IL18R1: variants seen among roughly 807,000 people sequenced by gnomAD.
IL18R1 encodes the protein interleukin-18 receptor 1.
IL18R1 carries 40 observed loss-of-function variants against 48.5 expected under a neutral mutation model. The observed-to-expected ratio is 0.82, with a 90% CI of 0.64 to 1.07. The LOEUF is 1.07. Ranked by LOEUF, IL18R1 falls within the 50% of genes least tolerant of loss-of-function variation. IL18R1 has a pLI of 0.00. For synonymous variants in IL18R1, 232 were observed against 225.9 expected, an observed-to-expected ratio of 1.03 and a Z score of -0.24; for missense variants, 596 against 633.7, an observed-to-expected ratio of 0.94 and a Z score of 0.64.
chr2:102,394,415 C>T lies in IL18R1; in HGVS notation c.1112-54C>T. ...CTTACGACATTCACTTAAGTTTGTA[C>T]TTAAATAAAATTTTATTTACACATG... On this transcript the variant is annotated intron_variant, in intron 9 of 10. Coordinates refer to ENST00000233957, the MANE Select transcript of IL18R1 (RefSeq NM_003855.5). 2.1e-6 allele frequency: 3 copies of T among 1,414,326 alleles called. 1 individual carries two copies. Among genetic ancestry groups the T allele is most frequent in the South Asian group, 2.6e-5 (2 of 78,244 alleles). The allele number at this position is 1,414,326 out of a possible 1,614,324, so 87.6% of individuals were successfully genotyped here.
chr2:102,374,120 G>C (rs992811930), intron 4 of IL18R1: 1 of 215,020 alleles, frequency 4.7e-6, no homozygotes, highest in African/African-American at 2.3e-5. Flanking sequence ...TGCCCACCCT[G>C]GTCCATGGAA....
chr2:102,372,400 A>T (rs1679320538), intron 4 of IL18R1, among the ~76,000 whole-genome samples: 1 of 152,190 alleles, frequency 6.6e-6, no homozygotes, highest in Non-Finnish European at 1.5e-5. Flanking sequence ...TCTTTCGATA[A>T]GTTAGTTTTT....
Position 102,396,731 on chromosome 2 carries a change from C to G in IL18R1, c.1471C>G (p.Leu491Val), listed in dbSNP as rs768192258. ...CACATTCTTGCCCCAATCACTAAAG[C>G]TTTTGAAATCTCACAGAGTTCTGAA... is the stretch of plus-strand genomic sequence containing the variant. ...DFTFLPQSLK[L>V]LKSHRVLKWK... The change falls in exon 11 of 11, where the codon CTT becomes GTT. Residue 491 changes from leucine (L) to valine (V), a missense_variant. Coordinates refer to ENST00000233957, the MANE Select transcript of IL18R1 (RefSeq NM_003855.5). 6.2e-6 allele frequency: 10 copies of G among 1,614,098 alleles called. No homozygotes were observed. The highest frequency in any genetic ancestry group is 8.5e-6 in the Non-Finnish European group (10 of 1,179,942).
intron 6 of IL18R1, 109 bp from the exon 7 acceptor site, chr2:102,384,769 T>G: frequency 2.5e-6 from 3 of 1,181,644 alleles, no homozygotes; most frequent in Non-Finnish European, 3.6e-6. Flanking sequence ...CTTTCTGGGA[T>G]GGAGCACCAC....
chr2:102,384,305 G>T (rs1364183396), intron 6 of IL18R1, among the ~76,000 whole-genome samples: 1 of 152,158 alleles, frequency 6.6e-6, no homozygotes, highest in Non-Finnish European at 1.5e-5. Flanking sequence ...CTGTCCGAGC[G>T]CTTAGCAGTA....
rs1399636428 is a variant in IL18R1, at chr2:102,397,612, T to A, written c.*726T>A. On this transcript the variant is annotated 3_prime_UTR_variant, in exon 11 of 11. Coordinates refer to ENST00000233957, the MANE Select transcript of IL18R1 (RefSeq NM_003855.5). ...CTAATTGAGTTAATTATCTGGGCCT[T>A]TCACTTTGGATGCTCTGAAACATTT... is the stretch of plus-strand genomic sequence containing the variant. The A allele has an allele frequency of 6.6e-6, 1 of 152,396 alleles. No individual in the cohort carries two copies. The allele number at this position is 152,396 out of a possible 1,614,324, so 9.4% of individuals were successfully genotyped here.
At chr2:102,390,591 C>T (rs17027056) in intron 9 of IL18R1, among the ~76,000 whole-genome samples, 7,230 of 152,190 alleles carry the variant, frequency 0.048, 275 homozygotes, top group East Asian at 0.17. Flanking sequence ...ATTGTCCTAT[C>T]GCTCATTATT....
chr2:102,362,552 C>A, intron 1 of IL18R1, 81 bp from the exon 2 acceptor site: 1 of 821,690 alleles, frequency 1.2e-6, no homozygotes, highest in Non-Finnish European at 1.8e-6. Flanking sequence ...ATCTGTGTGC[C>A]AGAAGATTTT....
At chr2:102,363,385 G>T (rs1240366026) in intron 2 of IL18R1, among the ~76,000 whole-genome samples, 1 of 152,160 alleles carries the variant, frequency 6.6e-6, no homozygotes, top group East Asian at 1.9e-4. Context: ...CTGCTGAAGA[G>T]ATAGCTGAAT....
rs754198537 is a variant in IL18R1, at chr2:102,375,966, G to T, written c.528G>T (p.Glu176Asp). ...ACCCAACGATAAAGAAGAACGCCGA[G>T]TTTGAAGATCAGGGGTATTACTCCT... ...NKNPTIKKNA[E>D]FEDQGYYSCV... The change falls in exon 5 of 11, where the codon GAG becomes GAT. Residue 176 changes from glutamate (E) to aspartate (D), a missense_variant. Coordinates refer to ENST00000233957, the MANE Select transcript of IL18R1 (RefSeq NM_003855.5). The T allele has an allele frequency of 6.2e-7, 1 of 1,607,828 alleles. No homozygotes were observed. The highest frequency in any genetic ancestry group is 1.1e-5 in the South Asian group (1 of 89,144).
chr2:102,376,844 T>C (rs1342023646), intron 5 of IL18R1, among the ~76,000 whole-genome samples: 1 of 152,236 alleles, frequency 6.6e-6, no homozygotes, highest in Non-Finnish European at 1.5e-5. Flanking sequence ...ATCAAGGAAA[T>C]GACCAAATCA....
At chr2:102,389,784 C>T (rs56174932) in intron 8 of IL18R1, among the ~76,000 whole-genome samples, 2 of 152,290 alleles carry the variant, frequency 1.3e-5, no homozygotes, top group East Asian at 1.9e-4. Context: ...CTGATTTCCA[C>T]GGGTACGGAT....
At chr2:102,372,905 G>A (rs1679352958) in intron 4 of IL18R1, among the ~76,000 whole-genome samples, 1 of 152,094 alleles carries the variant, frequency 6.6e-6, no homozygotes, top group Non-Finnish European at 1.5e-5. Context: ...ATCCCTAAAT[G>A]TAGAATTACT....
At chr2:102,385,317 G>C (rs558640715) in intron 7 of IL18R1, among the ~76,000 whole-genome samples, 176 of 152,254 alleles carry the variant, frequency 1.2e-3, no homozygotes, top group African/African-American at 4.2e-3. Context: ...TCTTAGAAAA[G>C]GGCAGTTGCC....
Position 102,367,988 on chromosome 2 carries a change from G to A in IL18R1, c.222G>A (p.Ser74=), listed in dbSNP as rs761549416. 33 of 1,614,038 alleles carry A rather than the reference G, an allele frequency of 2.0e-5. No homozygotes were observed. The highest frequency in any genetic ancestry group is 2.4e-5 in the Non-Finnish European group (28 of 1,180,036). Reference sequence around the variant, plus strand: ...TGGAGCTGAACCCAAGGAGTTCCTCGAGAATTGCTTTGCATGATTGTGTTT... The same window carrying A: ...TGGAGCTGAACCCAAGGAGTTCCTCAAGAATTGCTTTGCATGATTGTGTTT... ...EHVELNPRSS[S]RIALHDCVLE... Residue 74 remains serine (S), a synonymous_variant, in exon 3 of 11, where the codon TCG becomes TCA. Coordinates refer to ENST00000233957, the MANE Select transcript of IL18R1 (RefSeq NM_003855.5).
intron 3 of IL18R1, among the ~76,000 whole-genome samples, chr2:102,369,303 C>T (rs1157753032): frequency 6.6e-6 from 1 of 152,234 alleles, no homozygotes; most frequent in Non-Finnish European, 1.5e-5. Context: ...CATCTATGAT[C>T]ATCACTTGGA....
chr2:102,385,157 C>T (rs1680158096), intron 7 of IL18R1, among the ~76,000 whole-genome samples, 159 bp downstream of exon 7: 2 of 151,692 alleles, frequency 1.3e-5, no homozygotes, highest in African/African-American at 2.4e-5. Context: ...GTGGCCATAC[C>T]CTAGGTGGAC....
chr2:102,388,714 G>A (rs185459733), intron 8 of IL18R1, among the ~76,000 whole-genome samples: 10 of 152,310 alleles, frequency 6.6e-5, no homozygotes, highest in East Asian at 5.8e-4. Context: ...GTGTGCGTGC[G>A]TGTTTTTGCA....
chr2:102,358,673 A>G (rs76694061), intron 1 of IL18R1, among the ~76,000 whole-genome samples: 2,090 of 152,298 alleles, frequency 0.014, 52 homozygotes, highest in African/African-American at 0.048. Flanking sequence ...AGGACTCAAG[A>G]TGCCCAGTCT....
Sources: gnomAD v4.1 joint callset for allele counts (sites outside exome capture counted in the v4.1 genomes callset) on GRCh38, gnomAD v4.1.1 for gene constraint, MANE v1.5 for transcripts, NCBI Gene and HGNC (gene_info 2026-07-23, HGNC 2026-07-21) for gene names.